MMP16: variants seen among roughly 807,000 people sequenced by gnomAD.
The protein encoded by MMP16 is matrix metallopeptidase 16, also known as matrix metalloproteinase-16.
In MMP16, 12 loss-of-function variants were observed where a neutral mutation model predicts 67.8. The observed-to-expected ratio is 0.18, with a 90% CI of 0.11 to 0.29. MMP16 has a LOEUF of 0.29. Among genes scored for constraint, MMP16 ranks in the 10% least tolerant of loss-of-function variants. The pLI is 1.00. For missense variants in MMP16, 475 were observed against 765.7 expected (o/e 0.62, Z 4.48); for synonymous variants, 249 against 255.9 (o/e 0.97, Z 0.26).
At chr8:88,176,750 T>C (rs910857883) in intron 3 of MMP16, among the ~76,000 whole-genome samples, 4 of 152,212 alleles carry the variant, frequency 2.6e-5, no homozygotes, top group African/African-American at 9.6e-5. Context: ...TCTGTTTCCA[T>C]GATCTATTGT....
chr8:88,113,432 C>T (rs890656094), intron 6 of MMP16, among the ~76,000 whole-genome samples: 2 of 151,186 alleles, frequency 1.3e-5, no homozygotes, highest in Non-Finnish European at 3.0e-5. Flanking sequence ...TTGTAATAAA[C>T]GAAAGTAGAA....
intron 1 of MMP16, among the ~76,000 whole-genome samples, chr8:88,281,145 T>C (rs1247526741): frequency 6.6e-6 from 1 of 152,174 alleles, no homozygotes; most frequent in African/African-American, 2.4e-5. Context: ...CTTCTTCTGG[T>C]TATCAATACA....
intron 1 of MMP16, among the ~76,000 whole-genome samples, chr8:88,261,144 G>C (rs1175160250): frequency 6.6e-6 from 1 of 152,052 alleles, no homozygotes; most frequent in African/African-American, 2.4e-5. Context: ...TTATCATGCA[G>C]ACATACTGAT....
At chr8:88,212,528 C>T (rs1014277085) in intron 1 of MMP16, among the ~76,000 whole-genome samples, 7 of 152,006 alleles carry the variant, frequency 4.6e-5, no homozygotes, top group Non-Finnish European at 8.8e-5. Context: ...ATTTAGGTAA[C>T]AGATTTGTTA....
At chr8:88,072,539 T>C (rs771119111) in intron 7 of MMP16, among the ~76,000 whole-genome samples, 8 of 152,092 alleles carry the variant, frequency 5.3e-5, no homozygotes, top group Non-Finnish European at 1.2e-4. Flanking sequence ...AGGTTGACAA[T>C]GTACCAGAAG....
At chr8:88,223,817 G>A (rs2129853836) in intron 1 of MMP16, among the ~76,000 whole-genome samples, 2 of 152,008 alleles carry the variant, frequency 1.3e-5, no homozygotes, top group East Asian at 3.9e-4. Context: ...TTGTGCACAT[G>A]TACCCTAGAA....
In MMP16 at chr8:88,126,227, T is replaced by C. The variant is rs150228267; in HGVS notation, c.710-7366A>G. Among the ~76,000 whole-genome samples the C allele has an allele frequency of 2.0e-3, 306 of 151,950 alleles. 2 individuals are homozygous for C. Among genetic ancestry groups the C allele is most frequent in the Middle Eastern group, 6.8e-3 (2 of 294 alleles). ...TTCTACTTGGGTCAGAAAATATGAG[T>C]GCCTGGAGCTCTAAAGATAAATCAC... On this transcript the variant is annotated intron_variant, in intron 4 of 9. Transcript: ENST00000286614.
At chr8:88,066,439 C>T (rs1240528052) in intron 7 of MMP16, among the ~76,000 whole-genome samples, 1 of 151,966 alleles carries the variant, frequency 6.6e-6, no homozygotes, top group African/African-American at 2.4e-5. Context: ...TTTTCTATTT[C>T]TGGGTCTCTC....
At chr8:88,324,887 C>T (rs930401140) in intron 1 of MMP16, among the ~76,000 whole-genome samples, 2 of 152,072 alleles carry the variant, frequency 1.3e-5, no homozygotes, top group African/African-American at 4.8e-5. Context: ...GGTATCATTA[C>T]ACATAAAGAA....
At chr8:88,310,007 G>A (rs963024033) in intron 1 of MMP16, among the ~76,000 whole-genome samples, 1 of 152,086 alleles carries the variant, frequency 6.6e-6, no homozygotes, top group Non-Finnish European at 1.5e-5. Context: ...AAGAGGGATG[G>A]AAATCAGTTA....
intron 3 of MMP16, among the ~76,000 whole-genome samples, chr8:88,169,921 T>C (rs563667629): frequency 2.6e-5 from 4 of 152,294 alleles, no homozygotes; most frequent in South Asian, 2.1e-4. Flanking sequence ...ATTTGACTTA[T>C]GATTTAATAA....
intron 3 of MMP16, among the ~76,000 whole-genome samples, chr8:88,177,895 A>G (rs140213998): frequency 6.8e-4 from 104 of 152,182 alleles, no homozygotes; most frequent in Non-Finnish European, 1.2e-3. Flanking sequence ...GGGCTCCACT[A>G]TATTATATAT....
In MMP16 at chr8:88,260,272, C is replaced by G. The variant is rs1810366457; in HGVS notation, c.133-62966G>C. On this transcript the variant is annotated intron_variant, in intron 1 of 9. Coordinates refer to ENST00000286614, the MANE Select transcript of MMP16 (RefSeq NM_005941.5). ...TGAAACAGTTCCTTCACAAAACACT[C>G]ATATTTAAGGAATACATGTTTTTTT... Among the ~76,000 whole-genome samples the G allele has an allele frequency of 2.6e-5, 4 of 151,948 alleles. No individual in the cohort carries two copies. The South Asian group carries it at 8.3e-4, about 32-fold the overall frequency.
At chr8:88,309,945 T>C (rs1811270411) in intron 1 of MMP16, among the ~76,000 whole-genome samples, 1 of 152,094 alleles carries the variant, frequency 6.6e-6, no homozygotes, top group Non-Finnish European at 1.5e-5. Flanking sequence ...TACATGCTAA[T>C]GGACACAGCC....
chr8:88,309,253 T>C (rs2130061724), intron 1 of MMP16, among the ~76,000 whole-genome samples: 1 of 152,160 alleles, frequency 6.6e-6, no homozygotes, highest in South Asian at 2.1e-4. Flanking sequence ...CAATTGGCAA[T>C]GGTTAAATAA....
At chr8:88,318,542 C>T (rs1247087424) in intron 1 of MMP16, among the ~76,000 whole-genome samples, 1 of 152,116 alleles carries the variant, frequency 6.6e-6, no homozygotes, top group African/African-American at 2.4e-5. Flanking sequence ...ATACTGGGAA[C>T]CTGGAAGTTA....
intron 4 of MMP16, among the ~76,000 whole-genome samples, chr8:88,148,776 C>A (rs1408645270): frequency 6.9e-6 from 1 of 145,220 alleles, no homozygotes; most frequent in East Asian, 2.0e-4. Flanking sequence ...CCAAAAGTAA[C>A]CATTCCAAGA....
intron 4 of MMP16, among the ~76,000 whole-genome samples, chr8:88,154,848 C>G (rs570768890): frequency 1.4e-5 from 2 of 148,102 alleles, no homozygotes; most frequent in Non-Finnish European, 3.0e-5. Context: ...GCACATGTAC[C>G]CTAAAACTTA....
At chr8:88,074,853 T>A in intron 6 of MMP16, 110 bp from the exon 7 acceptor site, 1 of 1,338,476 alleles carries the variant, frequency 7.5e-7, no homozygotes, top group Non-Finnish European at 1.0e-6. Flanking sequence ...ATTTATTGTC[T>A]TACATTAAAT....
Sources: gnomAD v4.1 joint callset for allele counts (sites outside exome capture counted in the v4.1 genomes callset) on GRCh38, gnomAD v4.1.1 for gene constraint, MANE v1.5 for transcripts, NCBI Gene and HGNC (gene_info 2026-07-23, HGNC 2026-07-21) for gene names.